Variants in IGF1R observed in about 807,000 individuals in gnomAD.
The protein encoded by IGF1R is insulin-like growth factor 1 receptor.
In IGF1R, 44 loss-of-function variants were observed where a neutral mutation model predicts 144.6. That is an observed-to-expected ratio of 0.30 (90% CI 0.24 to 0.39). The LOEUF is 0.39. Among genes scored for constraint, IGF1R ranks in the 10% least tolerant of loss-of-function variants. IGF1R has a pLI of 1.00. For synonymous variants in IGF1R, 795 were observed against 722.8 expected (o/e 1.10, Z -1.60); for missense variants, 1,355 against 1,833.7 (o/e 0.74, Z 4.77).
intron 2 of IGF1R, among the ~76,000 whole-genome samples, chr15:98,874,659 A>G (rs895947172): frequency 3.9e-5 from 6 of 152,188 alleles, no homozygotes; most frequent in African/African-American, 1.2e-4. Context: ...CCAAGTGAAG[A>G]CATTTGACTG....
chr15:98,666,668 G>A (rs533948821), intron 1 of IGF1R, among the ~76,000 whole-genome samples: 20 of 152,286 alleles, frequency 1.3e-4, no homozygotes, highest in Admixed American at 6.5e-4. Context: ...TTACCCTTAC[G>A]TGAGCTATGT....
chr15:98,897,391 G>C, intron 4 of IGF1R: 1 of 182,322 alleles, frequency 5.5e-6, no homozygotes. Flanking sequence ...AAATTTACTT[G>C]TGAGAGACAA....
intron 6 of IGF1R, 81 bp from the exon 7 acceptor site, chr15:98,911,234 G>T: frequency 7.8e-6 from 12 of 1,544,564 alleles, no homozygotes; most frequent in African/African-American, 6.8e-5. Context: ...TTTGGGGAAG[G>T]GGGAAGCAGT....
chr15:98,870,738 A>G (rs1163965972), intron 2 of IGF1R, among the ~76,000 whole-genome samples: 1 of 152,210 alleles, frequency 6.6e-6, no homozygotes, highest in East Asian at 1.9e-4. Context: ...AATTACAGAA[A>G]TCTTTGCCAA....
At chr15:98,918,385 A>G (rs565466789) in intron 10 of IGF1R, among the ~76,000 whole-genome samples, 118 of 152,208 alleles carry the variant, frequency 7.8e-4, no homozygotes, top group African/African-American at 2.6e-3. Flanking sequence ...TGTAACAACA[A>G]ATGGTTTTTA....
At chr15:98,721,150 A>G (rs1253564269) in intron 2 of IGF1R, among the ~76,000 whole-genome samples, 8 of 152,186 alleles carry the variant, frequency 5.3e-5, no homozygotes, top group African/African-American at 1.7e-4. Flanking sequence ...CTCCTTAACC[A>G]TCACCCACTT....
At chr15:98,775,468 G>C (rs899459884) in intron 2 of IGF1R, among the ~76,000 whole-genome samples, 1 of 152,112 alleles carries the variant, frequency 6.6e-6, no homozygotes, top group Admixed American at 6.5e-5. Flanking sequence ...ACAAGTTCAG[G>C]GACCGTTGCC....
chr15:98,905,341 A>G (rs889557646), intron 5 of IGF1R, among the ~76,000 whole-genome samples: 4 of 152,158 alleles, frequency 2.6e-5, no homozygotes, highest in African/African-American at 9.7e-5. Flanking sequence ...TGGATATCAT[A>G]GAGCACATGG....
chr15:98,732,984 G>C (rs1429058173), intron 2 of IGF1R, among the ~76,000 whole-genome samples: 1 of 152,140 alleles, frequency 6.6e-6, no homozygotes, highest in Non-Finnish European at 1.5e-5. Context: ...TAAAAGAAAG[G>C]AGCACCCCTC....
intron 1 of IGF1R, among the ~76,000 whole-genome samples, chr15:98,706,798 A>G (rs970040216): frequency 2.6e-5 from 4 of 151,202 alleles, no homozygotes; most frequent in African/African-American, 9.7e-5. Context: ...TTTATCGTGG[A>G]ATGTTGAGAT....
chr15:98,705,771 T>A (rs2053846982), intron 1 of IGF1R, among the ~76,000 whole-genome samples: 1 of 152,208 alleles, frequency 6.6e-6, no homozygotes, highest in Admixed American at 6.5e-5. Flanking sequence ...AGATTAATCC[T>A]GCAAAAGGCC....
intron 2 of IGF1R, among the ~76,000 whole-genome samples, chr15:98,737,005 C>T (rs959511534): frequency 1.3e-5 from 2 of 152,074 alleles, no homozygotes; most frequent in Non-Finnish European, 2.9e-5. Context: ...TGCCAAGACT[C>T]GTAGAACTAA....
At chr15:98,699,186 C>T (rs977792123) in intron 1 of IGF1R, among the ~76,000 whole-genome samples, 1 of 152,246 alleles carries the variant, frequency 6.6e-6, no homozygotes, top group African/African-American at 2.4e-5. Flanking sequence ...CAGCACCATC[C>T]ACTGGCTCTA....
At chr15:98,724,342 G>C (rs2054311548) in intron 2 of IGF1R, among the ~76,000 whole-genome samples, 1 of 152,190 alleles carries the variant, frequency 6.6e-6, no homozygotes, top group Non-Finnish European at 1.5e-5. Flanking sequence ...GGGAGAGGTT[G>C]TCTCTCTGGG....
Position 98,916,925 on chromosome 15 carries a change from C to T in IGF1R, c.2201+49C>T, listed in dbSNP as rs201985304. The T allele has an allele frequency of 7.5e-5, 115 of 1,527,664 alleles. No homozygotes were observed. In the African/African-American group the frequency reaches 1.3e-3, roughly 17 times the overall value. 94.6% of individuals were successfully genotyped at this position (1,527,664 alleles called of 1,614,324 possible). A position where few individuals can be genotyped will look rare whatever the true frequency, so the allele number is the denominator to read the frequency against. On this transcript the variant is annotated intron_variant, in intron 10 of 20. Transcript: ENST00000650285. ...AGTTGGCAAAACCCACTGCTCAGGC[C>T]GGTTCTGTTGCCTTTCTCCCCACCA...
intron 2 of IGF1R, among the ~76,000 whole-genome samples, chr15:98,816,586 A>T (rs1441886889): frequency 6.6e-6 from 1 of 152,226 alleles, no homozygotes; most frequent in African/African-American, 2.4e-5. Flanking sequence ...AAGTGACCAG[A>T]TCTCATCCTT....
intron 1 of IGF1R, among the ~76,000 whole-genome samples, chr15:98,664,927 T>G (rs1446325036): frequency 1.3e-5 from 2 of 151,944 alleles, no homozygotes; most frequent in Admixed American, 6.6e-5. Context: ...ATTTGCCGTT[T>G]TTTTTTGACT....
chr15:98,691,278 G>A (rs1455882857), intron 1 of IGF1R, among the ~76,000 whole-genome samples: 2 of 151,802 alleles, frequency 1.3e-5, no homozygotes, highest in African/African-American at 4.8e-5. Flanking sequence ...GACTTTCCTT[G>A]TCCTTGGTGA....
chr15:98,892,294 G>A (rs1456161814), intron 3 of IGF1R, among the ~76,000 whole-genome samples: 3 of 152,118 alleles, frequency 2.0e-5, no homozygotes, highest in Non-Finnish European at 4.4e-5. Flanking sequence ...GCTCACACCT[G>A]TAATCCCAAT....
Sources: allele counts gnomAD v4.1 joint callset (sites outside exome capture counted in the v4.1 genomes callset), GRCh38; gene constraint gnomAD v4.1.1; transcripts MANE v1.5; gene names NCBI Gene and HGNC (gene_info 2026-07-23, HGNC 2026-07-21).